Variants in SBF2 observed in about 807,000 individuals in gnomAD.
The protein encoded by SBF2 is SET binding factor 2.
In SBF2, 112 loss-of-function variants were observed where a neutral mutation model predicts 225.2. The observed-to-expected ratio is 0.50, with a 90% confidence interval of 0.43 to 0.58. The LOEUF is 0.58. SBF2 is among the 20% of genes least tolerant of loss of function. The pLI is 0.00. For synonymous variants in SBF2, 763 were observed against 773.3 expected (o/e 0.99, Z 0.22); for missense variants, 1,996 against 2,206.2 (o/e 0.90, Z 1.91).
chr11:9,936,986 C>T (rs1222999026), intron 16 of SBF2, among the ~76,000 whole-genome samples: 1 of 152,002 alleles, frequency 6.6e-6, no homozygotes, highest in Non-Finnish European at 1.5e-5. Context: ...TTAAAGGTCC[C>T]ACCTCCCAAC....
intron 2 of SBF2, among the ~76,000 whole-genome samples, chr11:10,113,797 TTAAA>T (rs1322093390): frequency 7.1e-6 from 1 of 140,240 alleles, no homozygotes; most frequent in East Asian, 2.5e-4. Flanking sequence ...TACATGCAGT[TTAAA>T]AAAAAAAAAA....
chr11:10,050,479 G>A (rs1950020530), intron 2 of SBF2, among the ~76,000 whole-genome samples: 1 of 151,918 alleles, frequency 6.6e-6, no homozygotes, highest in Non-Finnish European at 1.5e-5. Context: ...ATGATGTTTA[G>A]TTTATAAGTT....
rs956395174 is a variant in SBF2, at chr11:10,169,720, G to A, written c.141+24182C>T. Among the ~76,000 whole-genome samples, 3 of 152,124 alleles carry A rather than the reference G, an allele frequency of 2.0e-5. No individual in the cohort carries two copies. In the South Asian group the frequency reaches 6.2e-4, roughly 32 times the overall value. On this transcript the variant is annotated intron_variant, in intron 2 of 39. Transcript: ENST00000256190. ...TAGCAGTGGAATTGCTAGATCATATGGTAGCTCTATTTTCAGTTTTTTGAG... is the reference window on the plus strand; with the variant it reads ...TAGCAGTGGAATTGCTAGATCATATAGTAGCTCTATTTTCAGTTTTTTGAG...
At position 10,104,105 on chromosome 11, in the gene SBF2, A is replaced by G. The variant is rs371149616; in HGVS notation, c.142-61124T>C. Among the ~76,000 whole-genome samples the G allele has an allele frequency of 5.6e-4, 85 of 151,052 alleles. No homozygotes were observed. The East Asian group carries it at 0.013, about 23-fold the overall frequency. On this transcript the variant is annotated intron_variant, in intron 2 of 39. Coordinates refer to ENST00000256190, the MANE Select transcript of SBF2 (RefSeq NM_030962.4). ...CTGTCTCAGAAAAAAAAAAAAAAAGAGAGAGTGCCATTTCCATAAATGTGT... is the reference window on the plus strand; with the variant it reads ...CTGTCTCAGAAAAAAAAAAAAAAAGGGAGAGTGCCATTTCCATAAATGTGT...
chr11:9,857,667 A>C (rs1857420672), intron 18 of SBF2, among the ~76,000 whole-genome samples: 1 of 152,240 alleles, frequency 6.6e-6, no homozygotes, highest in African/African-American at 2.4e-5. Context: ...AGAGCTAGTA[A>C]ATGATGTTTT....
chr11:10,166,887 G>C (rs982123107), intron 2 of SBF2, among the ~76,000 whole-genome samples: 3 of 151,780 alleles, frequency 2.0e-5, no homozygotes, highest in Non-Finnish European at 4.4e-5. Context: ...ACTTGAGCCC[G>C]GAAGTCAGAG....
intron 17 of SBF2, among the ~76,000 whole-genome samples, chr11:9,876,357 G>A (rs1021567709): frequency 1.3e-5 from 2 of 152,120 alleles, no homozygotes; most frequent in African/African-American, 4.8e-5. Context: ...GTTATAAACT[G>A]AATGTTTGTG....
intron 21 of SBF2, among the ~76,000 whole-genome samples, chr11:9,851,509 T>C (rs1486691675): frequency 6.6e-6 from 1 of 152,150 alleles, no homozygotes; most frequent in Non-Finnish European, 1.5e-5. Context: ...ACTCAGGAAA[T>C]TCTGACTCAG....
chr11:10,153,755 T>C (rs1194688740), intron 2 of SBF2, among the ~76,000 whole-genome samples: 1 of 152,010 alleles, frequency 6.6e-6, no homozygotes, highest in African/African-American at 2.4e-5. Flanking sequence ...TCAACAAAAT[T>C]TATAGATTGA....
chr11:9,993,478 C>T (rs905795320), intron 10 of SBF2, among the ~76,000 whole-genome samples: 2 of 152,244 alleles, frequency 1.3e-5, no homozygotes, highest in Non-Finnish European at 2.9e-5. Context: ...CTGTTATATA[C>T]GTAACCTTTT....
intron 2 of SBF2, among the ~76,000 whole-genome samples, chr11:10,151,037 T>G (rs1039500464): frequency 2.6e-5 from 4 of 152,206 alleles, no homozygotes; most frequent in African/African-American, 9.6e-5. Context: ...AAGTAGAAGG[T>G]TCTTCCCAAC....
At chr11:9,942,907 GAAAGAAAGAA>G (rs1565038951) in intron 16 of SBF2, among the ~76,000 whole-genome samples, 626 of 45,668 alleles carry the variant, frequency 0.014, 5 homozygotes, top group Middle Eastern at 0.056. Context: ...GAGAGAGAAA[GAAAGAAAGAA>G]AGAAAGAAAG....
intron 16 of SBF2, among the ~76,000 whole-genome samples, chr11:9,941,956 T>A (rs866216930): frequency 3.3e-5 from 5 of 152,172 alleles, no homozygotes; most frequent in South Asian, 2.1e-4. Context: ...CTATATATTT[T>A]AAAAAAAGCA....
At chr11:10,231,615 G>C (rs1182819524) in intron 1 of SBF2, among the ~76,000 whole-genome samples, 3 of 152,242 alleles carry the variant, frequency 2.0e-5, no homozygotes, top group African/African-American at 7.2e-5. Flanking sequence ...GGTGGCTGCA[G>C]AACAGCGGAT....
intron 16 of SBF2, among the ~76,000 whole-genome samples, chr11:9,906,359 C>T (rs1862116552): frequency 6.6e-6 from 1 of 152,150 alleles, no homozygotes; most frequent in Non-Finnish European, 1.5e-5. Context: ...GCCCTACACA[C>T]TCATTTATAA....
chr11:9,999,796 A>T (rs902479959), intron 8 of SBF2, among the ~76,000 whole-genome samples: 1 of 152,232 alleles, frequency 6.6e-6, no homozygotes, highest in African/African-American at 2.4e-5. Flanking sequence ...AGAAAGAATG[A>T]TGACTATACG....
At chr11:10,070,338 A>C (rs905264476) in intron 2 of SBF2, among the ~76,000 whole-genome samples, 4 of 152,202 alleles carry the variant, frequency 2.6e-5, no homozygotes, top group African/African-American at 9.7e-5. Flanking sequence ...TTTTGTTATA[A>C]GATGTAAGGA....
intron 1 of SBF2, among the ~76,000 whole-genome samples, chr11:10,264,491 A>G (rs1961746961): frequency 6.6e-6 from 1 of 152,168 alleles, no homozygotes; most frequent in Non-Finnish European, 1.5e-5. Context: ...GTATTTACCA[A>G]GGGTCTTCCA....
intron 32 of SBF2, among the ~76,000 whole-genome samples, chr11:9,806,456 T>C (rs907316404): frequency 3.9e-5 from 6 of 152,196 alleles, no homozygotes; most frequent in East Asian, 1.9e-4. Context: ...TGAGAAGAGA[T>C]AGATGCTTGC....
Sources: gnomAD v4.1 joint callset for allele counts (sites outside exome capture counted in the v4.1 genomes callset) on GRCh38, gnomAD v4.1.1 for gene constraint, MANE v1.5 for transcripts, NCBI Gene and HGNC (gene_info 2026-07-23, HGNC 2026-07-21) for gene names.